The following NUCB2 variants were observed in gnomAD, a reference collection of about 807,000 sequenced individuals.
The protein encoded by NUCB2 is nucleobindin-2.
Under a neutral mutation model 57.9 loss-of-function variants are expected in NUCB2, and 48 were observed. The ratio of observed to expected loss-of-function variants is 0.83; its 90% CI spans 0.66 to 1.05. The LOEUF (loss-of-function observed/expected upper bound fraction) is 1.05, where lower values mean the gene tolerates loss of function less well. Ranked by LOEUF, NUCB2 falls within the 50% of genes least tolerant of loss-of-function variation. NUCB2 has a pLI of 0.00. For missense variants in NUCB2, 442 were observed against 476.2 expected (o/e 0.93, Z 0.67); for synonymous variants, 139 against 152.1 (o/e 0.91, Z 0.64).
At chr11:17,294,216 A>G (rs1427793167) in intron 2 of NUCB2, among the ~76,000 whole-genome samples, 1 of 152,188 alleles carries the variant, frequency 6.6e-6, no homozygotes, top group Non-Finnish European at 1.5e-5. Flanking sequence ...AGTATCCTAG[A>G]GATGAGTGGA....
At chr11:17,323,992 TTTTG>T (rs1950346400) in intron 11 of NUCB2, among the ~76,000 whole-genome samples, 1 of 152,170 alleles carries the variant, frequency 6.6e-6, no homozygotes, top group Non-Finnish European at 1.5e-5. Flanking sequence ...GGTTTGTCAA[TTTTG>T]TTTAACTTCA....
At chr11:17,319,633 T>C (rs1406022924) in intron 11 of NUCB2, among the ~76,000 whole-genome samples, 1 of 152,224 alleles carries the variant, frequency 6.6e-6, no homozygotes, top group African/African-American at 2.4e-5. Flanking sequence ...TACATTAATA[T>C]TCATTTCTAC....
At chr11:17,276,891 T>G in intron 1 of NUCB2, 63 bp downstream of exon 1, 1 of 150,748 alleles carries the variant, frequency 6.6e-6, no homozygotes, top group Admixed American at 6.6e-5. Context: ...GGTGGGGGAG[T>G]CCGGAGATAA....
intron 11 of NUCB2, among the ~76,000 whole-genome samples, chr11:17,318,023 A>T (rs1375191404): frequency 7.0e-6 from 1 of 143,550 alleles, no homozygotes. Flanking sequence ...ATAAAGACAG[A>T]GTCTCTCTCT....
downstream of NUCB2, chr11:17,333,926 C>T (rs750816751): frequency 3.3e-5 from 5 of 152,166 alleles, no homozygotes; most frequent in Non-Finnish European, 1.5e-5. Flanking sequence ...TCACATATCT[C>T]TTGTAGGGCT....
rs12281647 is a variant in NUCB2, at chr11:17,328,094, C to T, written c.1003-2033C>T. Among the ~76,000 whole-genome samples, 1,057 of 152,252 alleles carry T rather than the reference C, an allele frequency of 6.9e-3. 13 individuals carry two copies. Among genetic ancestry groups the T allele is most frequent in the African/African-American group, 0.024 (1,012 of 41,560 alleles). On this transcript the variant is annotated intron_variant, in intron 11 of 13. Coordinates refer to ENST00000529010, the MANE Select transcript of NUCB2 (RefSeq NM_005013.4). ...TCTTTGGAAAGCTTTCCAGGTATTC[C>T]ACGGGACTTGGGCCCAAAGTCCAGT...
chr11:17,318,844 G>A (rs1281553310), intron 11 of NUCB2, among the ~76,000 whole-genome samples: 2 of 152,216 alleles, frequency 1.3e-5, no homozygotes, highest in East Asian at 1.9e-4. Flanking sequence ...AAAGACTTAC[G>A]CCATTTATAT....
intron 2 of NUCB2, among the ~76,000 whole-genome samples, chr11:17,294,561 A>T (rs1446847613): frequency 6.6e-6 from 1 of 151,640 alleles, no homozygotes; most frequent in African/African-American, 2.4e-5. Flanking sequence ...TTTAATTATT[A>T]ATTTCTTCAT....
intron 7 of NUCB2, 49 bp downstream of exon 7, chr11:17,311,059 C>T (rs770057562): frequency 1.9e-5 from 28 of 1,470,246 alleles, no homozygotes; most frequent in East Asian, 4.6e-5. Flanking sequence ...GATACTTCTT[C>T]GTATCAGCGG....
chr11:17,348,170 C>T (rs1952898446), intron 2 of NUCB2, among the ~76,000 whole-genome samples: 1 of 152,020 alleles, frequency 6.6e-6, no homozygotes, highest in South Asian at 2.1e-4. Context: ...TGGTCTTGAA[C>T]TGTTGCCCTC....
intron 13 of NUCB2, 143 bp downstream of exon 13, chr11:17,331,126 A>G (rs1187717936): frequency 1.5e-6 from 1 of 677,380 alleles, no homozygotes; most frequent in East Asian, 3.0e-5. Flanking sequence ...AGCAATTTAG[A>G]TTATAGAAAA....
Position 17,295,466 on chromosome 11 carries a change from C to A in NUCB2, c.143C>A (p.Pro48Gln). Residue 48 changes from proline to glutamine, a missense_variant and splice_region_variant, in exon 3 of 14, where the codon CCA becomes CAA. Pro to Gln is a moderately conservative substitution (Grantham distance 76, BLOSUM62 -1). Coordinates refer to ENST00000529010, the MANE Select transcript of NUCB2 (RefSeq NM_005013.4). ...GTGGAAAGTGCGAAGATAGAACCAC[C>A]AGTAAGTGAAATGAAGTGAAATGGG... ...HPVESAKIEP[P>Q]DTGLYYDEYL... 6 of 1,605,418 alleles carry A rather than the reference C, an allele frequency of 3.7e-6. No homozygotes were observed. Among genetic ancestry groups the A allele is most frequent in the Non-Finnish European group, 5.1e-6 (6 of 1,175,250 alleles).
intron 5 of NUCB2, among the ~76,000 whole-genome samples, chr11:17,305,001 A>C (rs930538900): frequency 1.3e-5 from 2 of 152,244 alleles, no homozygotes; most frequent in African/African-American, 4.8e-5. Context: ...GGCACCAGCC[A>C]AGTGAATTTT....
Position 17,301,272 on chromosome 11 carries a change from CTTT to C in NUCB2, c.253-451_253-449del, listed in dbSNP as rs397848120. On this transcript the variant is annotated intron_variant, in intron 4 of 13. Coordinates refer to ENST00000529010, the MANE Select transcript of NUCB2 (RefSeq NM_005013.4). Reference sequence around the variant, plus strand: ...ACAGGCGTGAGCCACCGCGCCTGGCCTTTTTTTTTTTTTTTTTTTTTTTGAGAC... The same window carrying C: ...ACAGGCGTGAGCCACCGCGCCTGGCCTTTTTTTTTTTTTTTTTTTTGAGAC... Among the ~76,000 whole-genome samples, 17 of 73,268 alleles carry C rather than the reference CTTT, an allele frequency of 2.3e-4. 1 individual carries two copies. The East Asian group carries it at 4.6e-3, about 20-fold the overall frequency. 48.1% of individuals were successfully genotyped at this position (73,268 alleles called of 152,430 possible). A position where few individuals can be genotyped will look rare whatever the true frequency, so the allele number is the denominator to read the frequency against.
chr11:17,339,110 C>T (rs932569383), intron 2 of NUCB2, among the ~76,000 whole-genome samples: 2 of 152,124 alleles, frequency 1.3e-5, no homozygotes, highest in African/African-American at 4.8e-5. Flanking sequence ...GCCTCAGTCT[C>T]CTGAGTAGCT....
At chr11:17,319,708 C>T (rs1949761190) in intron 11 of NUCB2, among the ~76,000 whole-genome samples, 1 of 152,078 alleles carries the variant, frequency 6.6e-6, no homozygotes, top group African/African-American at 2.4e-5. Context: ...AATCCAACAA[C>T]TCTTGATTTC....
intron 11 of NUCB2, among the ~76,000 whole-genome samples, chr11:17,327,935 T>G (rs1044068301): frequency 6.6e-6 from 1 of 152,230 alleles, no homozygotes; most frequent in Non-Finnish European, 1.5e-5. Flanking sequence ...ACCTGGTGCC[T>G]TATTTAATTC....
intron 2 of NUCB2, among the ~76,000 whole-genome samples, chr11:17,343,685 A>G (rs956434474): frequency 1.3e-5 from 2 of 152,198 alleles, no homozygotes; most frequent in African/African-American, 4.8e-5. Context: ...TTTTTAAAGC[A>G]TATTTACTAT....
In NUCB2 at chr11:17,330,135, T is replaced by A; in HGVS notation, c.1011T>A (p.Asp337Glu). 6.7e-7 allele frequency: 1 copy of A among 1,486,884 alleles called. No individual in the cohort carries two copies. The highest frequency in any genetic ancestry group is 9.2e-7 in the Non-Finnish European group (1 of 1,086,072). 92.1% of individuals were successfully genotyped at this position (1,486,884 alleles called of 1,614,324 possible). A position where few individuals can be genotyped will look rare whatever the true frequency, so the allele number is the denominator to read the frequency against. The change falls in exon 12 of 14, where the codon GAT becomes GAA. Residue 337 changes from aspartate to glutamate, a missense_variant. Transcript: ENST00000529010. This position sits in a 1 kb window ranked among gnomAD's most constrained non-coding sequence, Gnocchi z 4.3. ...FLEPDSWETL[D>E]QQQFFTEEEL... Reference sequence around the variant, plus strand: ...CATTTTTTTTCTTTTAGACATTAGATCAGCAACAGTTCTTCACAGAGGAAG... The same window carrying A: ...CATTTTTTTTCTTTTAGACATTAGAACAGCAACAGTTCTTCACAGAGGAAG...
Sources: gnomAD v4.1 joint callset for allele counts (sites outside exome capture counted in the v4.1 genomes callset) on GRCh38, gnomAD v4.1.1 for gene constraint, Gnocchi (gnomAD v3.1) non-coding constraint, MANE v1.5 for transcripts, NCBI Gene and HGNC (gene_info 2026-07-23, HGNC 2026-07-21) for gene names.